Variants in MYT1L observed in about 807,000 individuals in gnomAD.
The protein encoded by MYT1L is myelin transcription factor 1 like, also known as myelin transcription factor 1-like protein.
In MYT1L, 12 loss-of-function variants were observed where a neutral mutation model predicts 126.7. The ratio of observed to expected loss-of-function variants is 0.09; its 90% CI spans 0.06 to 0.15. The LOEUF is 0.15. Among genes scored for constraint, MYT1L ranks in the 10% least tolerant of loss-of-function variants. The pLI, the probability that MYT1L is intolerant of heterozygous loss-of-function variation, is 1.00. For synonymous variants in MYT1L, 541 were observed against 604.2 expected, an observed-to-expected ratio of 0.90 and a Z score of 1.53; for missense variants, 979 against 1,585.2, an observed-to-expected ratio of 0.62 and a Z score of 6.49.
At chr2:1,838,479 C>A (rs1323307910) in intron 21 of MYT1L, among the ~76,000 whole-genome samples, 1 of 152,120 alleles carries the variant, frequency 6.6e-6, no homozygotes, top group Non-Finnish European at 1.5e-5. Flanking sequence ...ATGGCCTTCA[C>A]ATCGTACATG....
At chr2:2,119,330 TA>T (rs1483537061) in intron 3 of MYT1L, among the ~76,000 whole-genome samples, 1 of 152,220 alleles carries the variant, frequency 6.6e-6, no homozygotes, top group Admixed American at 6.5e-5. Context: ...ATGCTTACAG[TA>T]AATAAATAGT....
chr2:1,976,471 G>C (rs966333933), intron 8 of MYT1L, among the ~76,000 whole-genome samples: 11 of 152,086 alleles, frequency 7.2e-5, no homozygotes, highest in Non-Finnish European at 1.6e-4. Flanking sequence ...GTGAAACCCT[G>C]TCTCTACTAA....
intron 2 of MYT1L, among the ~76,000 whole-genome samples, chr2:2,245,509 C>A (rs989506747): frequency 2.0e-5 from 3 of 152,280 alleles, no homozygotes; most frequent in Admixed American, 2.0e-4. Context: ...GCTACTTCTA[C>A]AACTCATTCA....
intron 3 of MYT1L, among the ~76,000 whole-genome samples, chr2:2,158,989 T>A (rs756800530): frequency 9.2e-5 from 14 of 152,332 alleles, no homozygotes; most frequent in Non-Finnish European, 2.1e-4. Context: ...TTACAGCACA[T>A]ATGCAGCACT....
chr2:1,854,782 G>A (rs1251185348), intron 18 of MYT1L, among the ~76,000 whole-genome samples: 1 of 152,156 alleles, frequency 6.6e-6, no homozygotes, highest in Non-Finnish European at 1.5e-5. Flanking sequence ...TGTTTGGCCC[G>A]AGAAGGCTCA....
At chr2:1,965,242 C>G (rs910663357) in intron 8 of MYT1L, among the ~76,000 whole-genome samples, 2 of 144,742 alleles carry the variant, frequency 1.4e-5, no homozygotes, top group Admixed American at 1.4e-4. Flanking sequence ...CACTCTGTGA[C>G]TTGCAGGGAC....
intron 19 of MYT1L, chr2:1,842,188 T>C (rs2041820233): frequency 6.6e-6 from 1 of 152,226 alleles, no homozygotes; most frequent in African/African-American, 2.4e-5. Context: ...TCAGTTCTGA[T>C]TCTTGGAAAC....
chr2:1,923,412 G>A, intron 9 of MYT1L, 149 bp from the exon 10 acceptor site: 2 of 674,636 alleles, frequency 3.0e-6, no homozygotes, highest in East Asian at 2.7e-5. Context: ...TTGCAGCTGG[G>A]TTGAAAAAGT....
At chr2:2,076,887 TTAAAC>T (rs1254970403) in intron 3 of MYT1L, among the ~76,000 whole-genome samples, 1 of 152,242 alleles carries the variant, frequency 6.6e-6, no homozygotes, top group Non-Finnish European at 1.5e-5. Context: ...GGTGAAGACT[TTAAAC>T]TAATTATTAT....
intron 2 of MYT1L, among the ~76,000 whole-genome samples, chr2:2,283,103 A>T (rs2095472884): frequency 1.3e-5 from 2 of 152,200 alleles, no homozygotes; most frequent in South Asian, 4.1e-4. Context: ...TTCTTCATAC[A>T]GAAAGATACA....
At chr2:2,045,674 GA>G (rs1409550101) in intron 4 of MYT1L, among the ~76,000 whole-genome samples, 3 of 151,960 alleles carry the variant, frequency 2.0e-5, no homozygotes, top group African/African-American at 7.3e-5. Context: ...GTTGTACTGT[GA>G]ATGCATTAGA....
intron 4 of MYT1L, among the ~76,000 whole-genome samples, chr2:2,037,252 A>G (rs886939650): frequency 1.3e-5 from 2 of 152,148 alleles, no homozygotes; most frequent in African/African-American, 2.4e-5. Context: ...GTTTCTGCCA[A>G]CCTTTCTAAG....
chr2:1,803,199 C>A (rs1572376998), intron 22 of MYT1L, among the ~76,000 whole-genome samples: 1 of 152,200 alleles, frequency 6.6e-6, no homozygotes, highest in African/African-American at 2.4e-5. Context: ...CAAAAAATCC[C>A]AATTCATAAA....
intron 3 of MYT1L, among the ~76,000 whole-genome samples, chr2:2,151,166 G>C (rs2085727149): frequency 6.6e-6 from 1 of 152,136 alleles, no homozygotes; most frequent in Admixed American, 6.5e-5. Context: ...AACTCGACCA[G>C]CTTTAGAGTC....
intron 2 of MYT1L, among the ~76,000 whole-genome samples, chr2:2,197,207 G>A (rs1051401057): frequency 1.3e-5 from 2 of 151,992 alleles, no homozygotes; most frequent in Non-Finnish European, 2.9e-5. Flanking sequence ...TTGTTTTAGA[G>A]GAAACAGGTC....
chr2:2,157,336 C>T (rs1440294032), intron 3 of MYT1L, among the ~76,000 whole-genome samples: 1 of 152,160 alleles, frequency 6.6e-6, no homozygotes. Flanking sequence ...TCAGGCACTT[C>T]ATAATTTTAC....
At chr2:2,275,830 A>C (rs888259484) in intron 2 of MYT1L, among the ~76,000 whole-genome samples, 8 of 151,962 alleles carry the variant, frequency 5.3e-5, no homozygotes, top group Non-Finnish European at 1.2e-4. Context: ...ACACATAACC[A>C]ACCTATTCTT....
chr2:2,227,925 T>C (rs767611034), intron 2 of MYT1L, among the ~76,000 whole-genome samples: 14 of 152,248 alleles, frequency 9.2e-5, no homozygotes, highest in Non-Finnish European at 2.1e-4. Flanking sequence ...TGCTCTGTGA[T>C]TTACATATTA....
At position 1,887,707 on chromosome 2, in the gene MYT1L, C is replaced by T. The variant is rs2048331154; in HGVS notation, c.2521-98G>A. Reference sequence around the variant, plus strand: ...GCTCTGGGGTGGCCTCTACATCTTACACCTCTTTCTGCTGTACCTTTAAGA... The same window carrying T: ...GCTCTGGGGTGGCCTCTACATCTTATACCTCTTTCTGCTGTACCTTTAAGA... On this transcript the variant is annotated intron_variant, in intron 16 of 24. Transcript: ENST00000647738. The surrounding 1 kb of genome is among the most constrained non-coding windows in gnomAD (Gnocchi z 4.8). 4 of 1,397,578 alleles carry T rather than the reference C, an allele frequency of 2.9e-6. No individual in the cohort carries two copies. Among genetic ancestry groups the T allele is most frequent in the Admixed American group, 1.8e-5 (1 of 56,294 alleles). 86.6% of individuals were successfully genotyped at this position (1,397,578 alleles called of 1,614,324 possible).
Sources: allele counts gnomAD v4.1 joint callset (sites outside exome capture counted in the v4.1 genomes callset), GRCh38; gene constraint gnomAD v4.1.1; non-coding constraint Gnocchi (gnomAD v3.1); transcripts MANE v1.5; gene names NCBI Gene and HGNC (gene_info 2026-07-23, HGNC 2026-07-21).